The following RNASEH2B variants were observed in gnomAD, a reference collection of about 807,000 sequenced individuals.
RNASEH2B encodes the protein ribonuclease H2 subunit B, also known as Aicardi-Goutieres syndrome 2 protein.
A neutral mutation model predicts 45.0 loss-of-function variants in RNASEH2B; 36 were observed. The observed-to-expected ratio is 0.80, with a 90% CI of 0.61 to 1.06. RNASEH2B has a LOEUF of 1.06. Among genes scored for constraint, RNASEH2B ranks in the 50% least tolerant of loss-of-function variants. The probability of loss-of-function intolerance (pLI) is 0.00; values close to 1 mark genes in which losing one functional copy is unlikely to be tolerated. For missense variants in RNASEH2B, 361 were observed against 360.3 expected, an observed-to-expected ratio of 1.00 and a Z score of -0.02; for synonymous variants, 119 against 125.7, an observed-to-expected ratio of 0.95 and a Z score of 0.35.
At chr13:50,965,857 G>A (rs571133088) in intron 9 of RNASEH2B, among the ~76,000 whole-genome samples, 5 of 152,220 alleles carry the variant, frequency 3.3e-5, no homozygotes, top group South Asian at 2.1e-4. Context: ...TATTAAGCCC[G>A]CAACCTAAAT....
downstream of RNASEH2B, among the ~76,000 whole-genome samples, chr13:50,959,214 C>A (rs1021728664): frequency 6.6e-6 from 1 of 152,048 alleles, no homozygotes; most frequent in African/African-American, 2.4e-5. Context: ...TATTCTATAA[C>A]TTAAGGACAT....
intron 1 of RNASEH2B, among the ~76,000 whole-genome samples, chr13:50,915,807 G>A (rs1046680453): frequency 6.6e-6 from 1 of 152,222 alleles, no homozygotes; most frequent in East Asian, 1.9e-4. Context: ...GGGGCTGCAT[G>A]TTCTAGTCCC....
chr13:50,911,592 C>T (rs1879398852), intron 1 of RNASEH2B: 1 of 152,200 alleles, frequency 6.6e-6, no homozygotes, highest in South Asian at 2.1e-4. Context: ...AGTGGTTATA[C>T]TGATTTATAT....
chr13:50,936,356 A>T (rs1263231094), intron 5 of RNASEH2B: 1 of 152,208 alleles, frequency 6.6e-6, no homozygotes, highest in African/African-American at 2.4e-5. Context: ...TTGGCCAACT[A>T]TGACAGTTCT....
chr13:50,922,386 T>A (rs1566076933), intron 1 of RNASEH2B, among the ~76,000 whole-genome samples: 1 of 152,218 alleles, frequency 6.6e-6, no homozygotes, highest in Non-Finnish European at 1.5e-5. Context: ...GTGTCTCACC[T>A]CTGACTGAGT....
At chr13:50,919,436 G>C (rs1951488833) in intron 1 of RNASEH2B, among the ~76,000 whole-genome samples, 1 of 152,192 alleles carries the variant, frequency 6.6e-6, no homozygotes, top group African/African-American at 2.4e-5. Context: ...GCTATGTATA[G>C]AATATACACA....
At chr13:50,929,079 CCTGTGTGGGGAGAGCCACACA>C (rs1246852573) in intron 2 of RNASEH2B, among the ~76,000 whole-genome samples, 1 of 151,972 alleles carries the variant, frequency 6.6e-6, no homozygotes, top group Non-Finnish European at 1.5e-5. Flanking sequence ...CCTGTCAGAC[CCTGTGTGGGGAGAGCCACACA>C]CTGCCCAGAG....
At chr13:50,954,991 G>C (rs1212420525) in intron 10 of RNASEH2B, 2 of 152,148 alleles carry the variant, frequency 1.3e-5, no homozygotes, top group Non-Finnish European at 2.9e-5. Flanking sequence ...TTTATGTTGA[G>C]ATAGTAATGT....
At chr13:50,943,982 T>TGATGGGATGGGACGGGACAGGACGG (rs1457133643) in intron 6 of RNASEH2B, among the ~76,000 whole-genome samples, 1 of 146,702 alleles carries the variant, frequency 6.8e-6, no homozygotes, top group Non-Finnish European at 1.5e-5. Flanking sequence ...AAACAGATTG[T>TGATGGGATGGGACGGGACAGGACGG]GATGGGATGG....
intron 5 of RNASEH2B, chr13:50,941,452 A>G (rs1951832445): frequency 6.6e-6 from 1 of 152,184 alleles, no homozygotes; most frequent in African/African-American, 2.4e-5. Flanking sequence ...GGGAGACAGG[A>G]AGGAAAACAG....
At chr13:50,935,515 C>T (rs1291868653) in intron 5 of RNASEH2B, 1 of 161,044 alleles carries the variant, frequency 6.2e-6, no homozygotes, top group East Asian at 1.7e-4. Context: ...CGGAAGTGAA[C>T]TCTGAATTTA....
intron 1 of RNASEH2B, among the ~76,000 whole-genome samples, chr13:50,913,383 A>G (rs1879542923): frequency 6.6e-6 from 1 of 152,076 alleles, no homozygotes; most frequent in Admixed American, 6.6e-5. Flanking sequence ...AGGTCACCTG[A>G]TTCATTGCGT....
chr13:50,954,294 C>A, intron 10 of RNASEH2B: 1 of 512,670 alleles, frequency 2.0e-6, no homozygotes, highest in Non-Finnish European at 3.4e-6. Flanking sequence ...TTTTTGTCAA[C>A]CCTGCTGCCC....
chr13:50,969,912 T>C, intron 9 of RNASEH2B: 1 of 1,550,910 alleles, frequency 6.4e-7, no homozygotes, highest in African/African-American at 1.4e-5. Flanking sequence ...ACACACCACA[T>C]GTTTTCCTTT....
exon 10 of RNASEH2B, chr13:50,970,095 C>A: frequency 1.2e-6 from 1 of 812,286 alleles, no homozygotes; most frequent in Non-Finnish European, 2.1e-6. Flanking sequence ...AAAGCGCTGA[C>A]TGTAAATGCT....
At chr13:50,912,065 C>G (rs1879436894) in intron 1 of RNASEH2B, 1 of 152,186 alleles carries the variant, frequency 6.6e-6, no homozygotes, top group Non-Finnish European at 1.5e-5. Flanking sequence ...GAGCTGAGAT[C>G]TACTGTGACC....
At chr13:50,962,879 T>C (rs559558246) in intron 9 of RNASEH2B, among the ~76,000 whole-genome samples, 1 of 152,212 alleles carries the variant, frequency 6.6e-6, no homozygotes, top group East Asian at 1.9e-4. Context: ...TCATCAAATA[T>C]GGAAAATTTC....
intron 9 of RNASEH2B, among the ~76,000 whole-genome samples, chr13:50,963,628 A>G (rs1431422055): frequency 6.6e-6 from 1 of 152,098 alleles, no homozygotes; most frequent in Non-Finnish European, 1.5e-5. Flanking sequence ...GTTATTTTCT[A>G]TCTTCTAGGT....
chr13:50,955,436 T>C (rs533306438), intron 10 of RNASEH2B: 1 of 152,300 alleles, frequency 6.6e-6, no homozygotes, highest in African/African-American at 2.4e-5. Context: ...TGCCACTTAT[T>C]GTATCCACTT....
Sources: gnomAD v4.1 joint callset for allele counts (sites outside exome capture counted in the v4.1 genomes callset) on GRCh38, gnomAD v4.1.1 for gene constraint, MANE v1.5 for transcripts, NCBI Gene and HGNC (gene_info 2026-07-23, HGNC 2026-07-21) for gene names.